ZC4H2: variants seen among roughly 807,000 people sequenced by gnomAD.
ZC4H2 encodes the protein zinc finger C4H2-type containing, also known as zinc finger C4H2 domain-containing protein.
For synonymous variants in ZC4H2, 84 were observed against 66.3 expected (o/e 1.27, Z -1.30); for missense variants, 137 against 173.9 (o/e 0.79, Z 1.19).
chrX:64,978,458 C>A (rs1011888925), upstream of ZC4H2, among the ~76,000 whole-genome samples: 1 of 111,895 alleles, frequency 8.9e-6, no homozygotes, highest in Non-Finnish European at 1.9e-5. Flanking sequence ...CAAGAACTGG[C>A]CCCAGCTCTG....
intron 1 of ZC4H2, among the ~76,000 whole-genome samples, chrX:65,020,070 C>T (rs1261105937): frequency 9.0e-6 from 1 of 111,725 alleles, no homozygotes; most frequent in African/African-American, 3.3e-5. Context: ...ATTGGTGTAC[C>T]TGAAAGTTAC....
chrX:65,032,734 T>TTTCCTTCCTTCCTTCCTTCC lies in ZC4H2; in HGVS notation c.-272+1875_-272+1894dup, dbSNP rs59235733. 2.3e-3 allele frequency among the ~76,000 whole-genome samples: 197 copies of TTTCCTTCCTTCCTTCCTTCC among 86,797 alleles called. 2 individuals carry two copies. The highest frequency in any genetic ancestry group is 6.5e-3 in the African/African-American group (142 of 21,703). The allele number at this position is 86,797 out of a possible 115,157, so 75.4% of individuals were successfully genotyped here. A position where few individuals can be genotyped will look rare whatever the true frequency, so the allele number is the denominator to read the frequency against. Reference sequence around the variant, plus strand: ...GCTCTCCTCTAATGTTTCTTCTTTCTTTCCTTCCTTCCTTCCTTCCTTCCT... The same window carrying TTTCCTTCCTTCCTTCCTTCC: ...GCTCTCCTCTAATGTTTCTTCTTTCTTTCCTTCCTTCCTTCCTTCCTTCCTTCCTTCCTTCCTTCCTTCCT... On this transcript the variant is annotated intron_variant, in intron 1 of 4. Transcript: ENST00000337990.
At chrX:65,012,224 C>CAAAAAAAAAA (rs10606871) in intron 1 of ZC4H2, among the ~76,000 whole-genome samples, 8 of 25,323 alleles carry the variant, frequency 3.2e-4, no homozygotes, top group African/African-American at 6.6e-4. Flanking sequence ...GACCCCGTCT[C>CAAAAAAAAAA]AAAAAAAAAA....
At chrX:64,977,005 T>C (rs1931971846), upstream of ZC4H2, among the ~76,000 whole-genome samples, 1 of 110,865 alleles carries the variant, frequency 9.0e-6, no homozygotes, top group African/African-American at 3.3e-5. Context: ...GGGTAAGTAC[T>C]TCCAGCTACT....
At chrX:65,010,599 C>A (rs1340020623) in intron 1 of ZC4H2, among the ~76,000 whole-genome samples, 1 of 111,513 alleles carries the variant, frequency 9.0e-6, no homozygotes, top group Non-Finnish European at 1.9e-5. Flanking sequence ...TGTAAAAGAG[C>A]CACAAATTAA....
chrX:64,991,050 A>T (rs1214790282), intron 1 of ZC4H2, among the ~76,000 whole-genome samples: 1 of 112,016 alleles, frequency 8.9e-6, no homozygotes, highest in Non-Finnish European at 1.9e-5. Context: ...TTAACAACTC[A>T]TTGGATGTGG....
At chrX:64,946,602 C>CAA (rs1930546507) in intron 1 of ZC4H2, among the ~76,000 whole-genome samples, 1 of 110,348 alleles carries the variant, frequency 9.1e-6, no homozygotes, top group African/African-American at 3.3e-5. Flanking sequence ...CACACACACA[C>CAA]ACACACACAC....
chrX:64,989,094 C>A (rs1359116882), intron 1 of ZC4H2, among the ~76,000 whole-genome samples: 1 of 111,869 alleles, frequency 8.9e-6, no homozygotes, highest in African/African-American at 3.3e-5. Context: ...GTTTTGGTAC[C>A]AGTACCATGC....
At chrX:64,924,446 T>C (rs1929341605) in intron 1 of ZC4H2, among the ~76,000 whole-genome samples, 1 of 111,944 alleles carries the variant, frequency 8.9e-6, no homozygotes, top group African/African-American at 3.2e-5. Flanking sequence ...AGACAGTATA[T>C]AGACAGCAAG....
At chrX:64,947,682 G>A (rs1490658818) in intron 1 of ZC4H2, among the ~76,000 whole-genome samples, 1 of 111,688 alleles carries the variant, frequency 9.0e-6, no homozygotes, top group African/African-American at 3.3e-5. Flanking sequence ...CCTAATTTAG[G>A]AGTATGTGTC....
At chrX:64,997,954 G>T (rs1410077973) in intron 1 of ZC4H2, among the ~76,000 whole-genome samples, 2 of 111,706 alleles carry the variant, frequency 1.8e-5, no homozygotes, top group African/African-American at 3.3e-5. Flanking sequence ...AGTTAAATTA[G>T]TATCAATTCA....
At chrX:64,925,011 A>T (rs1410437453) in intron 1 of ZC4H2, among the ~76,000 whole-genome samples, 1 of 111,483 alleles carries the variant, frequency 9.0e-6, no homozygotes, top group African/African-American at 3.3e-5. Flanking sequence ...TAATAATAGC[A>T]TCTACTTTAC....
At chrX:64,939,721 C>G (rs1930178386) in intron 1 of ZC4H2, among the ~76,000 whole-genome samples, 1 of 112,078 alleles carries the variant, frequency 8.9e-6, no homozygotes, top group Non-Finnish European at 1.9e-5. Flanking sequence ...GCAAAACTGG[C>G]TAGCCAGATG....
chrX:64,952,924 C>G (rs1218977572), intron 1 of ZC4H2, among the ~76,000 whole-genome samples: 2 of 111,599 alleles, frequency 1.8e-5, no homozygotes, highest in African/African-American at 6.5e-5. Context: ...TCAAACTATA[C>G]TACAAGGCTA....
At position 64,949,469 on chromosome X, in the gene ZC4H2, T is replaced by A. The variant is rs186640022; in HGVS notation, c.53+26856A>T. Reference sequence around the variant, plus strand: ...TTTGATGGCCTTCCCAAAATCAAATTGCAGCTTCAAAATTATATTATGCGA... The same window carrying A: ...TTTGATGGCCTTCCCAAAATCAAATAGCAGCTTCAAAATTATATTATGCGA... On this transcript the variant is annotated intron_variant, in intron 1 of 4. Transcript: ENST00000374839. Among the ~76,000 whole-genome samples, 249 of 111,721 alleles carry A rather than the reference T, an allele frequency of 2.2e-3. 2 individuals carry two copies. The highest frequency in any genetic ancestry group is 6.9e-3 in the African/African-American group (212 of 30,819).
intron 1 of ZC4H2, among the ~76,000 whole-genome samples, chrX:64,964,276 G>C (rs1473110163): frequency 2.7e-5 from 3 of 110,989 alleles, no homozygotes; most frequent in Non-Finnish European, 3.8e-5. Flanking sequence ...AGACCAAGAA[G>C]AAAGAGGAAG....
chrX:64,953,482 A>G (rs1471732143), intron 1 of ZC4H2, among the ~76,000 whole-genome samples: 2 of 112,233 alleles, frequency 1.8e-5, no homozygotes, highest in Non-Finnish European at 3.8e-5. Context: ...CAAGGAAAAA[A>G]CAAAGAACCC....
At chrX:64,998,513 A>G (rs1453580887) in intron 1 of ZC4H2, among the ~76,000 whole-genome samples, 4 of 112,080 alleles carry the variant, frequency 3.6e-5, no homozygotes, top group Non-Finnish European at 7.5e-5. Flanking sequence ...TGAAGCAAAC[A>G]CTGACAGAGT....
chrX:64,945,212 GTATT>G (rs1445446570), intron 1 of ZC4H2, among the ~76,000 whole-genome samples: 51 of 112,631 alleles, frequency 4.5e-4, no homozygotes, highest in African/African-American at 1.6e-3. Context: ...TCATCTTCGT[GTATT>G]TATTTAACTT....
Sources: gnomAD v4.1 joint callset for allele counts (sites outside exome capture counted in the v4.1 genomes callset) on GRCh38, gnomAD v4.1.1 for gene constraint, MANE v1.5 for transcripts, NCBI Gene and HGNC (gene_info 2026-07-23, HGNC 2026-07-21) for gene names.